CAND2: variants seen among roughly 807,000 people sequenced by gnomAD.
CAND2 encodes cullin-associated NEDD8-dissociated protein 2.
Under a neutral mutation model 98.9 loss-of-function variants are expected in CAND2, and 62 were observed. That is an observed-to-expected ratio of 0.63 (90% CI 0.51 to 0.77). The LOEUF is 0.77. CAND2 is among the 30% of genes least tolerant of loss of function. CAND2 has a pLI of 0.00. For synonymous variants in CAND2, 770 were observed against 731.9 expected (o/e 1.05, Z -0.84); for missense variants, 1,501 against 1,655.2 (o/e 0.91, Z 1.62).
chr3:12,797,243 T>C (rs929432743), intron 1 of CAND2, among the ~76,000 whole-genome samples: 1 of 140,242 alleles, frequency 7.1e-6, no homozygotes, highest in Non-Finnish European at 1.5e-5. Flanking sequence ...CCCCAGCACC[T>C]GCCTCTCCTC....
intron 12 of CAND2, 70 bp downstream of exon 12, chr3:12,825,709 C>A (rs1190974304): frequency 2.3e-5 from 33 of 1,465,462 alleles, no homozygotes; most frequent in Non-Finnish European, 3.1e-5. Context: ...ACTGTTAGGG[C>A]ATTATTATCT....
At chr3:12,803,440 C>T (rs371392411) in intron 1 of CAND2, 48 bp from the exon 2 acceptor site, 4 of 1,526,326 alleles carry the variant, frequency 2.6e-6, no homozygotes, top group African/African-American at 1.4e-5. Context: ...CCCAAATCCA[C>T]CAGGGCCCAG....
chr3:12,810,108 C>A lies in CAND2; in HGVS notation c.541C>A (p.Leu181Met). 6.6e-7 allele frequency: 1 copy of A among 1,506,684 alleles called. No homozygotes were observed. Among genetic ancestry groups the A allele is most frequent in the African/African-American group, 1.4e-5 (1 of 70,020 alleles). 93.3% of individuals were successfully genotyped at this position (1,506,684 alleles called of 1,614,324 possible). A position where few individuals can be genotyped will look rare whatever the true frequency, so the allele number is the denominator to read the frequency against. The change falls in exon 5 of 15, where the codon CTG (leucine) becomes ATG (methionine). Residue 181 changes from leucine to methionine, a missense_variant. By Grantham distance (15) the Leu-to-Met change is conservative. This residue lies in a region of CAND2 where 1,427 missense variants were observed against 1,545.3 expected (regional missense o/e 0.92). Coordinates refer to ENST00000456430, the MANE Select transcript of CAND2 (RefSeq NM_001162499.2). ...AFHASLLHCL[L>M]PQLSSPRLAV... ...CCACGCCAGCCTCCTGCACTGTCTG[C>A]TGCCACAGCTGAGCAGCCCGCGCCT...
Position 12,820,180 on chromosome 3 carries a change from C to T in CAND2, c.3039C>T (p.Ile1013=), listed in dbSNP as rs768089851. The T allele has an allele frequency of 9.3e-6, 15 of 1,611,440 alleles. No homozygotes were observed. In the South Asian group the frequency reaches 1.2e-4, roughly 13 times the overall value. The change falls in exon 11 of 15, where the codon ATC becomes ATT. Residue 1013 remains isoleucine (I), a splice_region_variant and synonymous_variant. Coordinates refer to ENST00000456430, the MANE Select transcript of CAND2 (RefSeq NM_001162499.2). The part of the protein sequence containing the change: ...HPIDPLLKSF[I]GEFMESLQDP... ...TTGACCCCCTCCTGAAGAGCTTCAT[C>T]GGTGAGCACCTACCTCTTGCCCCTC...
At chr3:12,809,826 C>T (rs1472570863) in intron 4 of CAND2, 1 of 463,982 alleles carries the variant, frequency 2.2e-6, no homozygotes, top group East Asian at 3.6e-5. Flanking sequence ...TCTCCCTAGG[C>T]TGGGAGCCAG....
At chr3:12,829,120 C>A (rs1397300134) in intron 13 of CAND2, among the ~76,000 whole-genome samples, 2 of 152,180 alleles carry the variant, frequency 1.3e-5, no homozygotes, top group African/African-American at 4.8e-5. Flanking sequence ...TCTTAAGGAA[C>A]TGCTATACTA....
rs1033283620 is a variant in CAND2, at chr3:12,813,019, G to C, written c.787G>C (p.Val263Leu). The change falls in exon 6 of 15, where the codon GTG becomes CTG. Residue 263 changes from valine to leucine, a missense_variant. Val to Leu is a conservative substitution (Grantham distance 32, BLOSUM62 1). Coordinates refer to ENST00000456430, the MANE Select transcript of CAND2 (RefSeq NM_001162499.2). ...GAHLDRLVPL[V>L]EDFCNLDDDE... ...TCACCTGGACCGCCTGGTGCCCCTGGTGGAGGATTTCTGCAACCTGGATGA... is the reference window on the plus strand; with the variant it reads ...TCACCTGGACCGCCTGGTGCCCCTGCTGGAGGATTTCTGCAACCTGGATGA... The C allele has an allele frequency of 2.5e-6, 4 of 1,580,962 alleles. No homozygotes were observed. The highest frequency in any genetic ancestry group is 2.6e-6 in the Non-Finnish European group (3 of 1,164,512).
Position 12,817,036 on chromosome 3 carries a change from C to G in CAND2, c.2104C>G (p.Leu702Val). 6.2e-7 allele frequency: 1 copy of G among 1,613,094 alleles called. No individual in the cohort carries two copies. The highest frequency in any genetic ancestry group is 1.1e-5 in the South Asian group (1 of 91,084). ...VQAVLAELPA[L>V]VNESDMHVAQ... The stretch of plus-strand genomic sequence containing the variant: ...GGCCGTGCTGGCTGAGCTGCCTGCC[C>G]TGGTCAACGAGAGCGACATGCATGT... Residue 702 changes from leucine (L) to valine (V), a missense_variant, in exon 10 of 15, where the codon CTG becomes GTG. Transcript: ENST00000456430.
At chr3:12,818,460 C>T (rs1034186590) in intron 10 of CAND2, among the ~76,000 whole-genome samples, 2 of 152,212 alleles carry the variant, frequency 1.3e-5, no homozygotes, top group African/African-American at 4.8e-5. Context: ...GGCTGACATG[C>T]CCCCGAGGCT....
chr3:12,798,034 A>G (rs868750040), intron 1 of CAND2, among the ~76,000 whole-genome samples: 34 of 152,286 alleles, frequency 2.2e-4, no homozygotes, highest in African/African-American at 7.9e-4. Context: ...TGGACAAGTA[A>G]CTTAACCCCC....
Position 12,820,007 on chromosome 3 carries a change from G to A in CAND2, c.2945-79G>A, listed in dbSNP as rs146717023. On this transcript the variant is annotated intron_variant, in intron 10 of 14. Coordinates refer to ENST00000456430, the MANE Select transcript of CAND2 (RefSeq NM_001162499.2). ...CTGTTTTCCAGGGAAGCAGGGGGAGGAGCCTAAGCACCTTCTGATCTGTGA... is the reference window on the plus strand; with the variant it reads ...CTGTTTTCCAGGGAAGCAGGGGGAGAAGCCTAAGCACCTTCTGATCTGTGA... The A allele has an allele frequency of 3.4e-3, 3,808 of 1,109,366 alleles. 16 individuals are homozygous for A. Among genetic ancestry groups the A allele is most frequent in the Non-Finnish European group, 4.7e-3 (3,389 of 727,580 alleles). The allele number at this position is 1,109,366 out of a possible 1,614,324, so 68.7% of individuals were successfully genotyped here. A position where few individuals can be genotyped will look rare whatever the true frequency, so the allele number is the denominator to read the frequency against.
chr3:12,807,964 G>C (rs1182018924), intron 3 of CAND2, among the ~76,000 whole-genome samples: 1 of 152,226 alleles, frequency 6.6e-6, no homozygotes, highest in Non-Finnish European at 1.5e-5. Flanking sequence ...CTAGTGGAAT[G>C]GGGAAAGGAA....
rs144870543 is a variant in CAND2, at chr3:12,813,058, G to C, written c.826G>C (p.Glu276Gln). Residue 276 changes from glutamate to glutamine, a missense_variant, in exon 6 of 15, where the codon GAG becomes CAG. Physicochemically the swap from Glu to Gln is conservative, Grantham distance 29. Coordinates refer to ENST00000456430, the MANE Select transcript of CAND2 (RefSeq NM_001162499.2). ...CAACCTGGATGATGATGAGCTCCGGGAGTCCTGCCTCCAGGCTTTTGAGGC... is the reference window on the plus strand; with the variant it reads ...CAACCTGGATGATGATGAGCTCCGGCAGTCCTGCCTCCAGGCTTTTGAGGC... ...FCNLDDDELR[E>Q]SCLQAFEAFL... 6.9e-6 allele frequency: 11 copies of C among 1,583,584 alleles called. No individual in the cohort carries two copies. Among genetic ancestry groups the C allele is most frequent in the African/African-American group, 2.7e-5 (2 of 74,876 alleles).
At chr3:12,808,142 G>T in intron 3 of CAND2, 68 bp from the exon 4 acceptor site, 1 of 1,536,462 alleles carries the variant, frequency 6.5e-7, no homozygotes, top group Admixed American at 2.0e-5. Flanking sequence ...AGCAGAGGCA[G>T]ACTAGTGGTG....
chr3:12,827,961 C>T lies in CAND2; in HGVS notation c.3375+357C>T, dbSNP rs574141883. Among the ~76,000 whole-genome samples the T allele has an allele frequency of 1.0e-3, 151 of 149,910 alleles. 1 individual carries two copies. The highest frequency in any genetic ancestry group is 3.5e-3 in the African/African-American group (141 of 40,678). On this transcript the variant is annotated intron_variant, in intron 13 of 14. Transcript: ENST00000456430. ...TCACACCACTGCACTCCAACCTGGA[C>T]GACAAAGCGAGACCCTGTCTCAAAA...
intron 13 of CAND2, among the ~76,000 whole-genome samples, chr3:12,830,497 C>T (rs916262201): frequency 3.9e-5 from 6 of 152,186 alleles, no homozygotes; most frequent in Non-Finnish European, 5.9e-5. Flanking sequence ...GGGGATTTTT[C>T]TCCAGGATCG....
intron 14 of CAND2, 76 bp from the exon 15 acceptor site, chr3:12,833,679 C>A: frequency 8.4e-7 from 1 of 1,185,622 alleles, no homozygotes; most frequent in South Asian, 1.3e-5. Context: ...AGAGAGGAAG[C>A]CAAAGACCAG....
At chr3:12,801,035 T>A (rs934410454) in intron 1 of CAND2, among the ~76,000 whole-genome samples, 1 of 79,392 alleles carries the variant, frequency 1.3e-5, no homozygotes, top group Non-Finnish European at 2.2e-5. Context: ...GAAATCAGTA[T>A]TTTTTTTTTT....
At position 12,817,208 on chromosome 3, in the gene CAND2, G is replaced by C. The variant is rs765251148; in HGVS notation, c.2276G>C (p.Gly759Ala). 6.2e-6 allele frequency: 10 copies of C among 1,613,476 alleles called. No homozygotes were observed. The highest frequency in any genetic ancestry group is 1.3e-5 in the African/African-American group (1 of 75,076). Residue 759 changes from glycine (G) to alanine (A), a missense_variant, in exon 10 of 15, where the codon GGC (glycine) becomes GCC (alanine). Transcript: ENST00000456430. ...GCCGGGGTTCTGGCAGCTGCTGAAGGCTTCCTGCAGGCCCTGGTAGGGACC... is the reference window on the plus strand; with the variant it reads ...GCCGGGGTTCTGGCAGCTGCTGAAGCCTTCCTGCAGGCCCTGGTAGGGACC... ...LPAGVLAAAE[G>A]FLQALVGTRP...
Sources: gnomAD v4.1 joint callset for allele counts (sites outside exome capture counted in the v4.1 genomes callset) on GRCh38, gnomAD v4.1.1 for gene constraint, gnomAD v4.1.1 regional missense constraint, MANE v1.5 for transcripts, NCBI Gene and HGNC (gene_info 2026-07-23, HGNC 2026-07-21) for gene names.